MTSS1: variants seen among roughly 807,000 people sequenced by gnomAD.
MTSS1 encodes protein MTSS 1.
Under a neutral mutation model 79.0 loss-of-function variants are expected in MTSS1, and 18 were observed. That is an observed-to-expected ratio of 0.23 (90% confidence interval 0.16 to 0.34). MTSS1 has a LOEUF of 0.34. Ranked by LOEUF, MTSS1 falls within the 10% of genes least tolerant of loss-of-function variation. MTSS1 has a pLI of 1.00. For synonymous variants in MTSS1, 341 were observed against 368.6 expected (o/e 0.93, Z 0.86); for missense variants, 815 against 986.2 (o/e 0.83, Z 2.33).
At chr8:124,660,641 A>T (rs1189722044) in intron 3 of MTSS1, among the ~76,000 whole-genome samples, 1 of 152,146 alleles carries the variant, frequency 6.6e-6, no homozygotes. Flanking sequence ...ACTACACACC[A>T]AATATGAGGC....
At chr8:124,688,324 G>A (rs1164603896) in intron 3 of MTSS1, among the ~76,000 whole-genome samples, 1 of 118,510 alleles carries the variant, frequency 8.4e-6, no homozygotes, top group African/African-American at 3.5e-5. Context: ...ATGTGTACAT[G>A]TGTACGTCTG....
chr8:124,560,411 C>G (rs935584731), intron 10 of MTSS1, among the ~76,000 whole-genome samples: 1 of 152,156 alleles, frequency 6.6e-6, no homozygotes, highest in African/African-American at 2.4e-5. Context: ...AATTGCCTAT[C>G]AGAGACAATG....
At chr8:124,604,227 T>C (rs183212057) in intron 3 of MTSS1, among the ~76,000 whole-genome samples, 1 of 150,558 alleles carries the variant, frequency 6.6e-6, no homozygotes, top group African/African-American at 2.4e-5. Context: ...ATAAATAAAA[T>C]AAAATAAAAT....
intron 11 of MTSS1, among the ~76,000 whole-genome samples, chr8:124,557,414 C>A (rs1017287938): frequency 6.6e-6 from 1 of 152,208 alleles, no homozygotes; most frequent in African/African-American, 2.4e-5. Flanking sequence ...GCGGTGCACA[C>A]TGCACTGCCG....
At chr8:124,695,295 G>A (rs6998715) in intron 3 of MTSS1, among the ~76,000 whole-genome samples, 116,734 of 151,772 alleles carry the variant, frequency 0.77, 45,182 homozygotes, top group African/African-American at 0.86. Context: ...TGCACTTAAT[G>A]ATAACTGCAA....
At chr8:124,713,614 G>C (rs1041950822) in intron 1 of MTSS1, among the ~76,000 whole-genome samples, 1 of 152,068 alleles carries the variant, frequency 6.6e-6, no homozygotes, top group African/African-American at 2.4e-5. Context: ...AGTAGAGACA[G>C]GGTTTTGCCA....
intron 3 of MTSS1, among the ~76,000 whole-genome samples, chr8:124,635,480 C>T (rs1286037697): frequency 6.6e-6 from 1 of 152,230 alleles, no homozygotes; most frequent in East Asian, 1.9e-4. Flanking sequence ...TCAACAGAGA[C>T]ATCTGTAATG....
At chr8:124,648,267 T>C (rs1331541388) in intron 3 of MTSS1, among the ~76,000 whole-genome samples, 2 of 152,182 alleles carry the variant, frequency 1.3e-5, no homozygotes, top group Non-Finnish European at 2.9e-5. Context: ...GTTGTTACTA[T>C]TACCTAGTGT....
Position 124,621,582 on chromosome 8 carries a change from T to C in MTSS1, c.209-30347A>G, listed in dbSNP as rs535802985. On this transcript the variant is annotated intron_variant, in intron 3 of 13. Coordinates refer to ENST00000518547, the MANE Select transcript of MTSS1 (RefSeq NM_014751.6). ...TTTTTTGAGACGGCGTCTCGCCCTG[T>C]CGCCCAGGCTACAGTGCAGTGGCGC... 1.5e-4 allele frequency among the ~76,000 whole-genome samples: 23 copies of C among 152,346 alleles called. No individual in the cohort carries two copies. In the South Asian group the frequency reaches 3.9e-3, roughly 26 times the overall value.
At chr8:124,593,268 C>A (rs1043772625) in intron 3 of MTSS1, among the ~76,000 whole-genome samples, 15 of 152,214 alleles carry the variant, frequency 9.9e-5, no homozygotes, top group African/African-American at 3.6e-4. Context: ...AAGTTAATAA[C>A]CCGGCCACAC....
At chr8:124,700,179 G>A (rs10956197) in intron 2 of MTSS1, among the ~76,000 whole-genome samples, 109,876 of 151,348 alleles carry the variant, frequency 0.73, 39,925 homozygotes, top group East Asian at 0.82. Context: ...ACCAGGCAAA[G>A]TTTTATACAG....
At position 124,555,941 on chromosome 8, in the gene MTSS1, A is replaced by AG. The variant is rs3841189; in HGVS notation, c.1405-38dup. 2,300 of 1,421,278 alleles carry AG rather than the reference A, an allele frequency of 1.6e-3. 10 individuals carry two copies. The highest frequency in any genetic ancestry group is 0.014 in the South Asian group (1,035 of 75,770). 88.0% of individuals were successfully genotyped at this position (1,421,278 alleles called of 1,614,324 possible). A position where few individuals can be genotyped will look rare whatever the true frequency, so the allele number is the denominator to read the frequency against. On this transcript the variant is annotated intron_variant, in intron 12 of 13. Coordinates refer to ENST00000518547, the MANE Select transcript of MTSS1 (RefSeq NM_014751.6). ...AGGAGAGAAATACACAGGTTGCTTT[A>AG]GGGGGGGGGCTCAACAGCACTCCTG... is the stretch of plus-strand genomic sequence containing the variant.
At chr8:124,568,991 C>G (rs1253897137) in intron 6 of MTSS1, 1 of 505,392 alleles carries the variant, frequency 2.0e-6, no homozygotes, top group Non-Finnish European at 2.9e-6. Flanking sequence ...GAGCCTCTGT[C>G]TGGATAGAAG....
chr8:124,710,417 T>C (rs1479081974), intron 1 of MTSS1, among the ~76,000 whole-genome samples: 2 of 144,710 alleles, frequency 1.4e-5, no homozygotes, highest in Non-Finnish European at 3.0e-5. Context: ...CTGAAGAGTT[T>C]GGTGGCCACC....
intron 1 of MTSS1, among the ~76,000 whole-genome samples, chr8:124,712,082 C>T (rs867975504): frequency 1.3e-4 from 19 of 151,460 alleles, no homozygotes; most frequent in Admixed American, 3.3e-4. Context: ...TAGAAATGCA[C>T]CAAGAGGTTC....
At chr8:124,626,826 G>A (rs139696017) in intron 3 of MTSS1, among the ~76,000 whole-genome samples, 1 of 152,092 alleles carries the variant, frequency 6.6e-6, no homozygotes, top group African/African-American at 2.4e-5. Context: ...ACAGACAAAA[G>A]GAAAAGGCAA....
chr8:124,554,477 T>A (rs948635080), intron 13 of MTSS1, among the ~76,000 whole-genome samples: 2 of 152,150 alleles, frequency 1.3e-5, no homozygotes, highest in African/African-American at 2.4e-5. Context: ...AAAATCACCC[T>A]CCAATAAGAC....
intron 3 of MTSS1, among the ~76,000 whole-genome samples, chr8:124,655,974 C>A (rs1179153985): frequency 6.6e-6 from 1 of 152,152 alleles, no homozygotes; most frequent in Non-Finnish European, 1.5e-5. Context: ...AGAAAACCTA[C>A]TTAGGAGGTT....
At chr8:124,616,487 T>A (rs1273164493) in intron 3 of MTSS1, among the ~76,000 whole-genome samples, 2 of 151,954 alleles carry the variant, frequency 1.3e-5, no homozygotes, top group Admixed American at 1.3e-4. Flanking sequence ...AACCCCCATA[T>A]GTCAGTGCTG....
Sources: gnomAD v4.1 joint callset for allele counts (sites outside exome capture counted in the v4.1 genomes callset) on GRCh38, gnomAD v4.1.1 for gene constraint, MANE v1.5 for transcripts, NCBI Gene and HGNC (gene_info 2026-07-23, HGNC 2026-07-21) for gene names.